TAF4B: variants seen among roughly 807,000 people sequenced by gnomAD.
TAF4B encodes TATA-box binding protein associated factor 4b.
In TAF4B, 38 loss-of-function variants were observed where a neutral mutation model predicts 86.4. That is an observed-to-expected ratio of 0.44 (90% CI 0.34 to 0.58). The LOEUF (loss-of-function observed/expected upper bound fraction) is 0.58, where lower values mean the gene tolerates loss of function less well. Ranked by LOEUF, TAF4B falls within the 20% of genes least tolerant of loss-of-function variation. The pLI, the probability that TAF4B is intolerant of heterozygous loss-of-function variation, is 0.02. For synonymous variants in TAF4B, 388 were observed against 391.2 expected (o/e 0.99, Z 0.10); for missense variants, 988 against 1,027.6 (o/e 0.96, Z 0.53).
Position 26,315,352 on chromosome 18 carries a change from A to G in TAF4B, c.1956A>G (p.Glu652=). The G allele has an allele frequency of 4.3e-6, 7 of 1,613,546 alleles. No individual in the cohort carries two copies. In the South Asian group the frequency reaches 5.5e-5, roughly 13 times the overall value. ...CACTCATTCAGTCATGTAAAGATGA[A>G]CCATTTCTTTTTATTGGAGCTCTAC... is the stretch of plus-strand genomic sequence containing the variant. ...VGTLIQSCKD[E]PFLFIGALQK... The change falls in exon 10 of 15, where the codon GAA becomes GAG. Residue 652 remains glutamate (E), a synonymous_variant. Transcript: ENST00000269142.
chr18:26,299,665 G>A (rs1475285750), intron 9 of TAF4B, among the ~76,000 whole-genome samples: 1 of 152,000 alleles, frequency 6.6e-6, no homozygotes, highest in African/African-American at 2.4e-5. Context: ...GTTTTCTTTG[G>A]GAGAATGTTT....
intron 6 of TAF4B, among the ~76,000 whole-genome samples, chr18:26,285,210 C>CTTTTTTTTTTTTGT (rs113394710): frequency 2.4e-5 from 1 of 42,516 alleles, no homozygotes; most frequent in African/African-American, 8.0e-5. Context: ...TCTTCCTTTC[C>CTTTTTTTTTTTTGT]TTTTTTTTTT....
chr18:26,315,192 C>CACAAAAAAAAAA, intron 9 of TAF4B, 37 bp from the exon 10 acceptor site: 1 of 1,333,270 alleles, frequency 7.5e-7, no homozygotes, highest in Non-Finnish European at 1.0e-6. Flanking sequence ...CACACACACA[C>CACAAAAAAAAAA]AACCTAAAAT....
At chr18:26,237,097 C>T (rs1256678409) in intron 1 of TAF4B, among the ~76,000 whole-genome samples, 1 of 152,176 alleles carries the variant, frequency 6.6e-6, no homozygotes, top group African/African-American at 2.4e-5. Context: ...TGACTCCAGT[C>T]CCCATGATCT....
At chr18:26,376,145 A>G (rs939907311) in intron 14 of TAF4B, among the ~76,000 whole-genome samples, 6 of 150,852 alleles carry the variant, frequency 4.0e-5, no homozygotes, top group East Asian at 1.9e-4. Context: ...GTGTGAGTCT[A>G]TTTGTTTTCA....
At chr18:26,300,415 T>C (rs1035194799) in intron 9 of TAF4B, among the ~76,000 whole-genome samples, 3 of 149,874 alleles carry the variant, frequency 2.0e-5, no homozygotes, top group Admixed American at 2.0e-4. Context: ...AAAAAAATCC[T>C]ATCAATTTCT....
chr18:26,332,436 T>G (rs2057057643), intron 12 of TAF4B, among the ~76,000 whole-genome samples: 1 of 152,046 alleles, frequency 6.6e-6, no homozygotes. Context: ...CTCTACAGAG[T>G]GGCCAGAGCC....
chr18:26,330,966 T>G (rs2057045420), intron 12 of TAF4B, among the ~76,000 whole-genome samples: 1 of 152,172 alleles, frequency 6.6e-6, no homozygotes, highest in Non-Finnish European at 1.5e-5. Flanking sequence ...GACCCATTCC[T>G]TGATGAGACC....
chr18:26,329,201 G>A (rs1017695031), intron 12 of TAF4B, among the ~76,000 whole-genome samples: 11 of 151,952 alleles, frequency 7.2e-5, no homozygotes, highest in Non-Finnish European at 1.6e-4. Flanking sequence ...GGGACTACAC[G>A]CACACACCAC....
intron 5 of TAF4B, among the ~76,000 whole-genome samples, chr18:26,277,073 CT>C (rs1055715449): frequency 1.4e-4 from 22 of 151,986 alleles, no homozygotes; most frequent in Admixed American, 1.3e-3. Flanking sequence ...AAATGCTTAA[CT>C]TTTTTTATTG....
chr18:26,256,890 G>T (rs2056093490), intron 1 of TAF4B, among the ~76,000 whole-genome samples: 1 of 150,460 alleles, frequency 6.6e-6, no homozygotes, highest in Non-Finnish European at 1.5e-5. Context: ...ATTGTATTAG[G>T]TTGGTGCAAA....
chr18:26,301,453 G>C lies in TAF4B; in HGVS notation c.1832+7922G>C, dbSNP rs116599537. On this transcript the variant is annotated intron_variant, in intron 9 of 14. Coordinates refer to ENST00000269142, the MANE Select transcript of TAF4B (RefSeq NM_005640.3). ...AGGCATGTGCCACTATGCCTAGCTA[G>C]CTTTTTTTAAAATTTATTTTTGTAG... 2.9e-3 allele frequency among the ~76,000 whole-genome samples: 435 copies of C among 151,920 alleles called. 4 individuals carry two copies. Among genetic ancestry groups the C allele is most frequent in the African/African-American group, 9.9e-3 (410 of 41,478 alleles).
chr18:26,341,438 A>G (rs2057134632), intron 13 of TAF4B, among the ~76,000 whole-genome samples: 1 of 152,132 alleles, frequency 6.6e-6, no homozygotes, highest in Non-Finnish European at 1.5e-5. Context: ...AAGGATGACA[A>G]CTGAAAAAAA....
intron 14 of TAF4B, among the ~76,000 whole-genome samples, chr18:26,374,401 C>G (rs1428001551): frequency 6.6e-6 from 1 of 152,180 alleles, no homozygotes; most frequent in African/African-American, 2.4e-5. Context: ...TTGTAGTATT[C>G]TCACAGGACC....
Position 26,315,209 on chromosome 18 carries a change from CTTTT to C in TAF4B, c.1833-11_1833-8del. ...CACACACACAACCTAAAATGTATAA[CTTTT>C]TTTTTTTTCTATTAGAGATGAGGAT... On this transcript the variant is annotated splice_polypyrimidine_tract_variant and intron_variant, in intron 9 of 14. Transcript: ENST00000269142. 8.2e-7 allele frequency: 1 copy of C among 1,219,842 alleles called. No individual in the cohort carries two copies. Among genetic ancestry groups the C allele is most frequent in the African/African-American group, 1.7e-5 (1 of 57,900 alleles). The allele number at this position is 1,219,842 out of a possible 1,614,324, so 75.6% of individuals were successfully genotyped here.
intron 9 of TAF4B, among the ~76,000 whole-genome samples, chr18:26,299,221 A>G (rs2056702481): frequency 6.6e-6 from 1 of 152,136 alleles, no homozygotes; most frequent in Non-Finnish European, 1.5e-5. Context: ...TCTCTAGTAA[A>G]GAACTATAGA....
chr18:26,286,085 A>G lies in TAF4B; in HGVS notation c.1176A>G (p.Ser392=), dbSNP rs769056540. 1.2e-6 allele frequency: 2 copies of G among 1,614,116 alleles called. No individual in the cohort carries two copies. Among genetic ancestry groups the G allele is most frequent in the Admixed American group, 1.7e-5 (1 of 60,004 alleles). The stretch of plus-strand genomic sequence containing the variant: ...GAGCAACAGCACCCAGAACTGTGTC[A>G]GTGCAAACTTTGAACCCACTTGCTG... ...VSGATAPRTV[S]VQTLNPLAGP... is the part of the protein sequence containing the mutation. Residue 392 remains serine, a synonymous_variant, in exon 7 of 15, where the codon TCA becomes TCG. Transcript: ENST00000269142.
At chr18:26,349,430 A>G (rs1307462889) in intron 13 of TAF4B, among the ~76,000 whole-genome samples, 1 of 150,836 alleles carries the variant, frequency 6.6e-6, no homozygotes, top group African/African-American at 2.5e-5. Context: ...AGGCAATCCC[A>G]GTTAAAATCC....
intron 13 of TAF4B, among the ~76,000 whole-genome samples, chr18:26,340,366 C>T (rs992741430): frequency 6.6e-6 from 1 of 152,150 alleles, no homozygotes; most frequent in African/African-American, 2.4e-5. Flanking sequence ...GCAAGTTCTA[C>T]ATGGCCAAAA....
Sources: gnomAD v4.1 joint callset for allele counts (sites outside exome capture counted in the v4.1 genomes callset) on GRCh38, gnomAD v4.1.1 for gene constraint, MANE v1.5 for transcripts, NCBI Gene and HGNC (gene_info 2026-07-23, HGNC 2026-07-21) for gene names.